The following ZFP90 variants were observed in gnomAD, a reference collection of about 807,000 sequenced individuals.
ZFP90 encodes the protein zinc finger protein 90 homolog.
ZFP90 carries 38 observed loss-of-function variants against 60.8 expected under a neutral mutation model. The observed-to-expected ratio is 0.62, with a 90% CI of 0.48 to 0.82. ZFP90 has a LOEUF of 0.82. ZFP90 is among the 40% of genes least tolerant of loss of function. The probability of loss-of-function intolerance (pLI) is 0.00; values close to 1 mark genes in which losing one functional copy is unlikely to be tolerated. For synonymous variants in ZFP90, 287 were observed against 264.8 expected (o/e 1.08, Z -0.82); for missense variants, 711 against 759.1 (o/e 0.94, Z 0.74).
At chr16:68,545,498 G>A (rs2091132942) in intron 2 of ZFP90, among the ~76,000 whole-genome samples, 1 of 152,162 alleles carries the variant, frequency 6.6e-6, no homozygotes, top group Non-Finnish European at 1.5e-5. Flanking sequence ...TAGGATGTTA[G>A]GATGTCAAAA....
At chr16:68,534,110 CTT>C (rs2090944572) in intron 2 of ZFP90, among the ~76,000 whole-genome samples, 1 of 151,804 alleles carries the variant, frequency 6.6e-6, no homozygotes, top group African/African-American at 2.4e-5. Context: ...TTTTTTATCT[CTT>C]TGTCCATTTG....
Position 68,558,571 on chromosome 16 carries a change from A to G in ZFP90, c.256+3A>G, listed in dbSNP as rs370325635. 3.1e-6 allele frequency: 5 copies of G among 1,611,950 alleles called. No homozygotes were observed. In the African/African-American group the frequency reaches 6.7e-5, roughly 22 times the overall value. On this transcript the variant is annotated splice_donor_region_variant and intron_variant, in intron 4 of 4. Coordinates refer to ENST00000563169, the MANE Select transcript of ZFP90 (RefSeq NM_001305203.2). Reference sequence around the variant, plus strand: ...AATCCAACGACCTTTCTATCCAGGTAAATGAGTGAGAGTCAGGCATTAGGA... The same window carrying G: ...AATCCAACGACCTTTCTATCCAGGTGAATGAGTGAGAGTCAGGCATTAGGA...
intron 2 of ZFP90, among the ~76,000 whole-genome samples, chr16:68,555,903 C>G (rs1340491873): frequency 1.3e-5 from 2 of 152,220 alleles, no homozygotes; most frequent in African/African-American, 2.4e-5. Flanking sequence ...GCTGAAGCCT[C>G]TGTGAAACCT....
At chr16:68,549,817 C>T (rs1340849475) in intron 2 of ZFP90, among the ~76,000 whole-genome samples, 1 of 151,564 alleles carries the variant, frequency 6.6e-6, no homozygotes. Context: ...GGGAATGGAA[C>T]AGTGAACTGG....
chr16:68,554,125 G>T (rs201481662), intron 2 of ZFP90, among the ~76,000 whole-genome samples: 41 of 123,032 alleles, frequency 3.3e-4, no homozygotes, highest in Middle Eastern at 4.0e-3. Flanking sequence ...GTTTTGTTTT[G>T]TTTTTTTTTT....
At chr16:68,540,752 G>A (rs980168984) in intron 2 of ZFP90, among the ~76,000 whole-genome samples, 6 of 128,472 alleles carry the variant, frequency 4.7e-5, no homozygotes, top group African/African-American at 1.5e-4. Flanking sequence ...CAATAGGATC[G>A]TTTAAGCCCA....
downstream of ZFP90, among the ~76,000 whole-genome samples, chr16:68,568,877 C>T (rs2091552662): frequency 6.6e-6 from 1 of 152,150 alleles, no homozygotes; most frequent in Non-Finnish European, 1.5e-5. Context: ...TGAGTTTTCG[C>T]TATGTTGGCC....
chr16:68,567,158 T>C, downstream of ZFP90: 1 of 985,610 alleles, frequency 1.0e-6, no homozygotes, highest in Non-Finnish European at 1.2e-6. Flanking sequence ...GTTTTCAATT[T>C]TCAGAACTTG....
chr16:68,564,860 A>G lies in ZFP90; in HGVS notation c.*162A>G. On this transcript the variant is annotated 3_prime_UTR_variant, in exon 5 of 5. Transcript: ENST00000563169. ...AGACAGATTTTTTTTTTTTAACATA[A>G]AGACACATTCTCAGATCTGATTACA... The G allele has an allele frequency of 7.2e-7, 1 of 1,393,402 alleles. No homozygotes were observed. Among genetic ancestry groups the G allele is most frequent in the South Asian group, 1.7e-5 (1 of 58,984 alleles). The allele number at this position is 1,393,402 out of a possible 1,614,324, so 86.3% of individuals were successfully genotyped here. A position where few individuals can be genotyped will look rare whatever the true frequency, so the allele number is the denominator to read the frequency against.
chr16:68,537,717 T>C (rs919103170), upstream of ZFP90, among the ~76,000 whole-genome samples: 22 of 151,636 alleles, frequency 1.5e-4, no homozygotes, highest in Non-Finnish European at 8.8e-5. Flanking sequence ...AGGCGCACAC[T>C]ATTGCAACCA....
At chr16:68,562,498 C>A (rs1615609) in intron 4 of ZFP90, 118,890 of 154,684 alleles carry the variant, frequency 0.77, 45,777 homozygotes, top group East Asian at 0.82. Context: ...GATGATTTGC[C>A]TCCTGATCAA....
chr16:68,538,785 A>G (rs577111530), upstream of ZFP90, among the ~76,000 whole-genome samples: 1 of 152,332 alleles, frequency 6.6e-6, no homozygotes, highest in African/African-American at 2.4e-5. Flanking sequence ...AAGTAATGAA[A>G]TAACACGGCA....
upstream of ZFP90, among the ~76,000 whole-genome samples, chr16:68,538,814 A>C (rs1172341929): frequency 1.3e-5 from 2 of 152,146 alleles, no homozygotes; most frequent in East Asian, 3.8e-4. Context: ...GCCTTTGCAC[A>C]TTGCTCAGGA....
downstream of ZFP90, among the ~76,000 whole-genome samples, chr16:68,571,473 C>T (rs1030486726): frequency 3.3e-5 from 5 of 152,184 alleles, no homozygotes; most frequent in African/African-American, 1.2e-4. Context: ...TTAAAGTTGG[C>T]CTCCTTTTTC....
upstream of ZFP90, among the ~76,000 whole-genome samples, chr16:68,534,905 A>G (rs143324956): frequency 2.8e-3 from 426 of 152,272 alleles, no homozygotes; most frequent in Middle Eastern, 0.01. Flanking sequence ...AGACTGTCTC[A>G]AAAAATAAAT....
chr16:68,558,417 G>A (rs748893378), intron 3 of ZFP90, 56 bp from the exon 4 acceptor site: 10 of 1,510,528 alleles, frequency 6.6e-6, no homozygotes, highest in South Asian at 3.4e-5. Flanking sequence ...GTCCTTAGGA[G>A]GGTTCTTTGT....
At chr16:68,554,452 G>A (rs2091312155) in intron 2 of ZFP90, among the ~76,000 whole-genome samples, 1 of 152,170 alleles carries the variant, frequency 6.6e-6, no homozygotes, top group Non-Finnish European at 1.5e-5. Context: ...GCAGTGAAGT[G>A]TTTGTGAACA....
chr16:68,562,771 A>G (rs572874408), intron 4 of ZFP90: 11 of 629,514 alleles, frequency 1.7e-5, no homozygotes, highest in Non-Finnish European at 3.0e-5. Flanking sequence ...ATCTGTGCCT[A>G]ACACAGTCCT....
In ZFP90 at chr16:68,565,961, T is replaced by TAA. The variant is rs58312180; in HGVS notation, c.*1277_*1278dup. ...ACAACATGGTGAAACCCCATCTCTT[T>TAA]AAAAAAAAAAAAAAATCCAAAAATT... On this transcript the variant is annotated 3_prime_UTR_variant, in exon 5 of 5. Coordinates refer to ENST00000563169, the MANE Select transcript of ZFP90 (RefSeq NM_001305203.2). 1.5e-3 allele frequency: 874 copies of TAA among 584,096 alleles called. No homozygotes were observed. Among genetic ancestry groups the TAA allele is most frequent in the Non-Finnish European group, 1.8e-3 (829 of 468,954 alleles). The allele number at this position is 584,096 out of a possible 1,614,324, so 36.2% of individuals were successfully genotyped here.
Sources: gnomAD v4.1 joint callset for allele counts (sites outside exome capture counted in the v4.1 genomes callset) on GRCh38, gnomAD v4.1.1 for gene constraint, MANE v1.5 for transcripts, NCBI Gene and HGNC (gene_info 2026-07-23, HGNC 2026-07-21) for gene names.